Variants in RELN observed in about 807,000 individuals in gnomAD.
RELN encodes reelin.
In RELN, 108 loss-of-function variants were observed where a neutral mutation model predicts 427.6. That is an observed-to-expected ratio of 0.25 (90% confidence interval 0.22 to 0.30). The LOEUF (loss-of-function observed/expected upper bound fraction) is 0.30. RELN is among the 10% of genes least tolerant of loss of function. RELN has a pLI of 1.00. For missense variants in RELN, 3,715 were observed against 4,302.8 expected (o/e 0.86, Z 3.82); for synonymous variants, 1,524 against 1,513.4 (o/e 1.01, Z -0.16).
rs545990342 is a variant in RELN at position 103,796,779 on chromosome 7, T to C, written c.474-20152A>G. Among the ~76,000 whole-genome samples, 680 of 149,288 alleles carry C rather than the reference T, an allele frequency of 4.6e-3. 11 individuals are homozygous for C. The highest frequency in any genetic ancestry group is 0.016 in the African/African-American group (648 of 40,704). On this transcript the variant is annotated intron_variant, in intron 3 of 64. Transcript: ENST00000428762. ...GGGAGGTTGAGGCAGAAGAATCGCTTGAACCTGGGAGGCGGAGGTTGCAGT... is the reference window on the plus strand; with the variant it reads ...GGGAGGTTGAGGCAGAAGAATCGCTCGAACCTGGGAGGCGGAGGTTGCAGT...
intron 3 of RELN, among the ~76,000 whole-genome samples, chr7:103,810,967 T>G (rs1346952421): frequency 6.6e-6 from 1 of 152,206 alleles, no homozygotes; most frequent in Admixed American, 6.5e-5. Flanking sequence ...CCAGGTCCAT[T>G]TTCCCATAGT....
chr7:103,534,880 C>T (rs866651842), intron 46 of RELN, among the ~76,000 whole-genome samples: 14 of 152,256 alleles, frequency 9.2e-5, no homozygotes, highest in East Asian at 1.9e-4. Flanking sequence ...TTTAAAGGTA[C>T]ATTTATTTGC....
At chr7:103,498,280 T>G (rs1554364399) in intron 53 of RELN, 28 bp from the exon 54 acceptor site, 1 of 1,602,184 alleles carries the variant, frequency 6.2e-7, no homozygotes, top group South Asian at 1.1e-5. Context: ...CAGATGTGGT[T>G]AAAAAAACAA....
intron 12 of RELN, among the ~76,000 whole-genome samples, chr7:103,659,871 T>C (rs1833100136): frequency 6.6e-6 from 1 of 152,176 alleles, no homozygotes; most frequent in African/African-American, 2.4e-5. Context: ...GTATTCTCCA[T>C]ATATCCTGGC....
Position 103,515,389 on chromosome 7 carries a change from G to A in RELN, c.7915C>T (p.Arg2639Cys), listed in dbSNP as rs770944264. The A allele has an allele frequency of 1.1e-5, 18 of 1,613,966 alleles. 1 individual carries two copies. The South Asian group carries it at 1.3e-4, about 12-fold the overall frequency. ...PDAKEIATRF[R>C]WWQPRHDGLD... ...CCGTCATGTCTTGGCTGCCACCAGC[G>A]GAAGCGAGTGGCAATCTCTTTAGCA... The change falls in exon 50 of 65, where the codon CGC (arginine) becomes TGC (cysteine). Residue 2639 changes from arginine (R) to cysteine (C), a missense_variant. Coordinates refer to ENST00000428762, the MANE Select transcript of RELN (RefSeq NM_005045.4).
At chr7:103,631,621 T>A (rs1832469499) in intron 19 of RELN, among the ~76,000 whole-genome samples, 1 of 152,134 alleles carries the variant, frequency 6.6e-6, no homozygotes. Context: ...TAAAAATACA[T>A]AGCTATAATA....
chr7:103,565,205 C>G (rs373245862), intron 34 of RELN, 73 bp downstream of exon 34: 1 of 1,528,276 alleles, frequency 6.5e-7, no homozygotes, highest in Non-Finnish European at 9.1e-7. Context: ...ATCCCCAGGC[C>G]GAATCACAAT....
At chr7:103,742,555 G>A (rs1368221853) in intron 6 of RELN, among the ~76,000 whole-genome samples, 1 of 152,168 alleles carries the variant, frequency 6.6e-6, no homozygotes, top group East Asian at 1.9e-4. Context: ...AATAACCAAT[G>A]CAGAGAAGTC....
chr7:103,637,243 T>G (rs1179230747), intron 17 of RELN, among the ~76,000 whole-genome samples: 1 of 152,202 alleles, frequency 6.6e-6, no homozygotes, highest in African/African-American at 2.4e-5. Context: ...CATCAGGAAA[T>G]AGTTTCAAAT....
At chr7:103,659,803 T>C (rs1344280517) in intron 12 of RELN, among the ~76,000 whole-genome samples, 1 of 152,178 alleles carries the variant, frequency 6.6e-6, no homozygotes, top group East Asian at 1.9e-4. Flanking sequence ...GTGCTTTTCA[T>C]ACATTAACTC....
chr7:103,477,531 C>T (rs1323918097), intron 64 of RELN, among the ~76,000 whole-genome samples: 1 of 152,190 alleles, frequency 6.6e-6, no homozygotes, highest in African/African-American at 2.4e-5. Flanking sequence ...TTCAAACTAT[C>T]ACTGAAACTT....
chr7:103,508,917 A>C (rs1017104865), intron 51 of RELN, among the ~76,000 whole-genome samples: 1 of 152,236 alleles, frequency 6.6e-6, no homozygotes, highest in African/African-American at 2.4e-5. Context: ...AGAGAACAAA[A>C]TACTTAGGAA....
At chr7:103,684,196 C>A (rs947039741) in intron 10 of RELN, among the ~76,000 whole-genome samples, 2 of 152,020 alleles carry the variant, frequency 1.3e-5, no homozygotes, top group Non-Finnish European at 2.9e-5. Context: ...CCTTAGCCAG[C>A]GTAGGGGGCC....
chr7:103,568,044 G>T (rs1300898085), intron 31 of RELN, among the ~76,000 whole-genome samples: 4 of 152,222 alleles, frequency 2.6e-5, no homozygotes, highest in African/African-American at 7.2e-5. Context: ...CGATCTGCCT[G>T]CCTCAGCCTC....
intron 59 of RELN, among the ~76,000 whole-genome samples, chr7:103,490,357 C>T (rs990424693): frequency 2.6e-5 from 4 of 152,168 alleles, no homozygotes; most frequent in South Asian, 2.1e-4. Context: ...CTGGTGCCAA[C>T]ACCAGTCTTG....
chr7:103,755,272 T>A (rs370264247), intron 4 of RELN, among the ~76,000 whole-genome samples: 8 of 151,376 alleles, frequency 5.3e-5, no homozygotes, highest in African/African-American at 1.7e-4. Flanking sequence ...ATCGAGACCA[T>A]CCTGGCTAAC....
rs57782980 is a variant in RELN at position 103,962,646 on chromosome 7, T to TTGTGTGTGTG, written c.226+26475_226+26484dup. ...TGTTGGATTTTCCATTCCAAAGTTG[T>TTGTGTGTGTG]TGTGTGTGTGTGTGTGTGTGTGTGT... On this transcript the variant is annotated intron_variant, in intron 1 of 64. Coordinates refer to ENST00000428762, the MANE Select transcript of RELN (RefSeq NM_005045.4). Among the ~76,000 whole-genome samples the TTGTGTGTGTG allele has an allele frequency of 5.0e-3, 750 of 149,914 alleles. 9 individuals carry two copies. The highest frequency in any genetic ancestry group is 0.018 in the African/African-American group (728 of 40,820).
chr7:103,839,302 G>C (rs370534880), intron 2 of RELN, among the ~76,000 whole-genome samples: 1 of 75,042 alleles, frequency 1.3e-5, no homozygotes, highest in African/African-American at 4.9e-5. Context: ...AGTGGTCTTT[G>C]CTTTTTTTTT....
At chr7:103,849,119 A>C (rs1793752479) in intron 2 of RELN, among the ~76,000 whole-genome samples, 1 of 152,188 alleles carries the variant, frequency 6.6e-6, no homozygotes, top group Admixed American at 6.5e-5. Flanking sequence ...TCCTTTTAAC[A>C]GTCACAGTTC....
Sources: gnomAD v4.1 joint callset for allele counts (sites outside exome capture counted in the v4.1 genomes callset) on GRCh38, gnomAD v4.1.1 for gene constraint, MANE v1.5 for transcripts, NCBI Gene and HGNC (gene_info 2026-07-23, HGNC 2026-07-21) for gene names.